The following INSYN2B variants were observed in gnomAD, a reference collection of about 807,000 sequenced individuals.
INSYN2B encodes the protein inhibitory synaptic factor family member 2B.
INSYN2B carries 16 observed loss-of-function variants against 41.2 expected under a neutral mutation model. The ratio of observed to expected loss-of-function variants is 0.39; its 90% confidence interval spans 0.26 to 0.59. The LOEUF (loss-of-function observed/expected upper bound fraction) is 0.59. Ranked by LOEUF, INSYN2B falls within the 20% of genes least tolerant of loss-of-function variation. INSYN2B has a pLI of 0.57. For synonymous variants in INSYN2B, 245 were observed against 244.4 expected, an observed-to-expected ratio of 1.00 and a Z score of -0.02; for missense variants, 608 against 646.4, an observed-to-expected ratio of 0.94 and a Z score of 0.64.
intron 3 of INSYN2B, among the ~76,000 whole-genome samples, chr5:169,869,907 C>G (rs1158693887): frequency 1.3e-5 from 2 of 152,318 alleles, no homozygotes; most frequent in African/African-American, 4.8e-5. Flanking sequence ...GCTGTATATT[C>G]CATGCAGGAT....
chr5:169,904,199 CT>C (rs1774141349), intron 1 of INSYN2B, among the ~76,000 whole-genome samples: 1 of 151,946 alleles, frequency 6.6e-6, no homozygotes, highest in Non-Finnish European at 1.5e-5. Context: ...CTGACCTAGC[CT>C]TTGGCAAGAA....
At chr5:169,972,943 G>T (rs567856548) in intron 1 of INSYN2B, among the ~76,000 whole-genome samples, 1 of 152,154 alleles carries the variant, frequency 6.6e-6, no homozygotes, top group Admixed American at 6.5e-5. Context: ...CCTAGTACCT[G>T]AGTGTGCTGT....
At chr5:169,962,683 G>A (rs190713305) in intron 1 of INSYN2B, among the ~76,000 whole-genome samples, 1 of 152,168 alleles carries the variant, frequency 6.6e-6, no homozygotes, top group Admixed American at 6.5e-5. Context: ...ATGACATATT[G>A]GAAAATACGG....
At chr5:169,977,888 A>T (rs1252057189) in intron 1 of INSYN2B, among the ~76,000 whole-genome samples, 1 of 152,252 alleles carries the variant, frequency 6.6e-6, no homozygotes, top group Non-Finnish European at 1.5e-5. Flanking sequence ...GACCCACCAC[A>T]CAGACAGCAC....
intron 1 of INSYN2B, among the ~76,000 whole-genome samples, chr5:169,899,582 A>C (rs113939100): frequency 0.016 from 2,399 of 152,280 alleles, 22 homozygotes; most frequent in Middle Eastern, 0.068. Context: ...CTGCTTGGGC[A>C]CTCAGGTTTG....
chr5:169,929,303 CCAA>C (rs1775627350), intron 1 of INSYN2B, among the ~76,000 whole-genome samples: 1 of 152,180 alleles, frequency 6.6e-6, no homozygotes, highest in South Asian at 2.1e-4. Context: ...CCCATTGACA[CCAA>C]CAAGTTCATC....
At chr5:169,911,976 C>G (rs937603928) in intron 1 of INSYN2B, among the ~76,000 whole-genome samples, 1 of 152,142 alleles carries the variant, frequency 6.6e-6, no homozygotes, top group African/African-American at 2.4e-5. Flanking sequence ...AAATTGTTCT[C>G]TCTAGAATGA....
At chr5:169,926,248 G>T (rs142769518) in intron 1 of INSYN2B, among the ~76,000 whole-genome samples, 1 of 152,304 alleles carries the variant, frequency 6.6e-6, no homozygotes, top group African/African-American at 2.4e-5. Context: ...TCACCTGATT[G>T]TCTCTCACCT....
chr5:169,935,375 C>T (rs1486445124), intron 1 of INSYN2B, among the ~76,000 whole-genome samples: 1 of 152,148 alleles, frequency 6.6e-6, no homozygotes, highest in Non-Finnish European at 1.5e-5. Context: ...ATGGAACCAT[C>T]GCAGAGGCCT....
chr5:169,969,167 G>A (rs562618234), intron 1 of INSYN2B, among the ~76,000 whole-genome samples: 3 of 152,084 alleles, frequency 2.0e-5, no homozygotes, highest in African/African-American at 4.8e-5. Context: ...AAAAATGGCC[G>A]GGGGTGGTGG....
intron 1 of INSYN2B, among the ~76,000 whole-genome samples, chr5:169,935,177 A>T (rs1049333767): frequency 3.3e-5 from 5 of 152,248 alleles, no homozygotes; most frequent in African/African-American, 1.2e-4. Context: ...AGCTGTGTAT[A>T]AAGACAGTCT....
At chr5:169,973,456 A>G (rs1005700629) in intron 1 of INSYN2B, among the ~76,000 whole-genome samples, 9 of 152,154 alleles carry the variant, frequency 5.9e-5, no homozygotes, top group African/African-American at 2.2e-4. Flanking sequence ...GACCCTCTGC[A>G]TGTGTCTTCT....
intron 1 of INSYN2B, among the ~76,000 whole-genome samples, chr5:169,941,641 G>C (rs569928452): frequency 2.1e-4 from 32 of 152,202 alleles, no homozygotes; most frequent in Non-Finnish European, 4.6e-4. Context: ...ACTAAGAGCT[G>C]TGGGGACCGT....
At chr5:169,887,433 C>G (rs978452859) in intron 1 of INSYN2B, among the ~76,000 whole-genome samples, 1 of 152,128 alleles carries the variant, frequency 6.6e-6, no homozygotes, top group African/African-American at 2.4e-5. Context: ...AATTTGGTGA[C>G]ATTCATTCTA....
rs1487300404 is a variant in INSYN2B, at chr5:169,863,241, C to G, written c.*1032G>C. Among the ~76,000 whole-genome samples, 1 of 152,170 alleles carries G rather than the reference C, an allele frequency of 6.6e-6. No homozygotes were observed. Among genetic ancestry groups the G allele is most frequent in the Non-Finnish European group, 1.5e-5 (1 of 68,030 alleles). ...TCCATAGTCCTGCTAGTTTTTCAAT[C>G]AGGTGACCATTGTCTGGTCACCAGG... On this transcript the variant is annotated 3_prime_UTR_variant, in exon 4 of 4. Transcript: ENST00000377365.
chr5:169,879,031 G>A (rs922765088), intron 3 of INSYN2B, among the ~76,000 whole-genome samples: 2 of 152,164 alleles, frequency 1.3e-5, no homozygotes, highest in African/African-American at 4.8e-5. Context: ...GAAGGAGTTA[G>A]ATAGAACCAG....
At chr5:169,948,504 C>A (rs554423960) in intron 1 of INSYN2B, among the ~76,000 whole-genome samples, 1 of 152,072 alleles carries the variant, frequency 6.6e-6, no homozygotes, top group African/African-American at 2.4e-5. Context: ...TGACTATCAT[C>A]TACCTACACA....
At chr5:169,908,718 T>C (rs79786123) in intron 1 of INSYN2B, among the ~76,000 whole-genome samples, 1 of 144,662 alleles carries the variant, frequency 6.9e-6, no homozygotes, top group Non-Finnish European at 1.5e-5. Context: ...TTTTTCTTTT[T>C]TTTTTTTTTT....
chr5:169,934,093 G>T (rs1775880258), intron 1 of INSYN2B, among the ~76,000 whole-genome samples: 1 of 152,212 alleles, frequency 6.6e-6, no homozygotes, highest in Non-Finnish European at 1.5e-5. Flanking sequence ...CACACCTCAT[G>T]TCTGTGGGAG....
Sources: gnomAD v4.1 joint callset for allele counts (sites outside exome capture counted in the v4.1 genomes callset) on GRCh38, gnomAD v4.1.1 for gene constraint, MANE v1.5 for transcripts, NCBI Gene and HGNC (gene_info 2026-07-23, HGNC 2026-07-21) for gene names.